The following DENND2B variants were observed in gnomAD, a reference collection of about 807,000 sequenced individuals.
The protein encoded by DENND2B is DENN domain-containing protein 2B.
DENND2B carries 32 observed loss-of-function variants against 116.0 expected under a neutral mutation model. That is an observed-to-expected ratio of 0.28 (90% CI 0.21 to 0.37). DENND2B has a LOEUF of 0.37. Ranked by LOEUF, DENND2B falls within the 10% of genes least tolerant of loss-of-function variation. DENND2B has a pLI of 1.00. For synonymous variants in DENND2B, 588 were observed against 583.9 expected (o/e 1.01, Z -0.10); for missense variants, 1,276 against 1,477.7 (o/e 0.86, Z 2.24).
intron 4 of DENND2B, among the ~76,000 whole-genome samples, chr11:8,816,223 C>T (rs140069446): frequency 8.1e-4 from 124 of 152,212 alleles, no homozygotes; most frequent in African/African-American, 2.8e-3. Context: ...AGTGGTATTC[C>T]CACTGAAAAC....
chr11:8,822,479 A>T (rs945192319), intron 4 of DENND2B, among the ~76,000 whole-genome samples: 3 of 152,184 alleles, frequency 2.0e-5, no homozygotes, highest in Non-Finnish European at 4.4e-5. Context: ...GTTTAGCAAC[A>T]TTTTTTTAAA....
At chr11:8,708,199 C>T (rs1423578502) in intron 11 of DENND2B, 2 of 1,250,912 alleles carry the variant, frequency 1.6e-6, no homozygotes, top group Non-Finnish European at 2.0e-6. Flanking sequence ...AGCCCTGAGG[C>T]TGGGACCCCA....
chr11:8,744,202 C>T (rs1441252708), intron 2 of DENND2B, among the ~76,000 whole-genome samples: 1 of 149,268 alleles, frequency 6.7e-6, no homozygotes, highest in African/African-American at 2.5e-5. Flanking sequence ...GGCGTGATCT[C>T]GGCTCACCAC....
chr11:8,768,495 T>C (rs1183448623), intron 1 of DENND2B, among the ~76,000 whole-genome samples: 1 of 152,236 alleles, frequency 6.6e-6, no homozygotes, highest in East Asian at 1.9e-4. Flanking sequence ...GTGATCCTCC[T>C]GCCTCCCAAA....
chr11:8,749,507 G>C (rs78575614), intron 2 of DENND2B, among the ~76,000 whole-genome samples: 5,516 of 152,254 alleles, frequency 0.036, 163 homozygotes, highest in African/African-American at 0.078. Context: ...GTTTCTATTG[G>C]GACAAAGTCC....
At chr11:8,805,565 T>C (rs2060765465) in intron 1 of DENND2B, among the ~76,000 whole-genome samples, 1 of 152,176 alleles carries the variant, frequency 6.6e-6, no homozygotes, top group Non-Finnish European at 1.5e-5. Flanking sequence ...ACCCTCCTAC[T>C]TCCAGTCCTT....
chr11:8,877,100 C>CT (rs71059191), intron 2 of DENND2B, among the ~76,000 whole-genome samples: 71,763 of 93,080 alleles, frequency 0.77, 29,494 homozygotes, highest in Non-Finnish European at 0.85. Flanking sequence ...CTTGAAGATA[C>CT]TTTTTTTTTT....
chr11:8,862,577 C>T (rs1366483920), intron 2 of DENND2B, among the ~76,000 whole-genome samples: 3 of 152,104 alleles, frequency 2.0e-5, no homozygotes, highest in Non-Finnish European at 1.5e-5. Flanking sequence ...TCAAGAGATC[C>T]ACCTGCCATG....
At chr11:8,817,577 T>C (rs2061611977) in intron 4 of DENND2B, among the ~76,000 whole-genome samples, 1 of 152,078 alleles carries the variant, frequency 6.6e-6, no homozygotes, top group East Asian at 1.9e-4. Context: ...TGGAATTCAG[T>C]CTATAATTCT....
At chr11:8,901,101 C>T (rs1415542041) in intron 1 of DENND2B, among the ~76,000 whole-genome samples, 1 of 151,804 alleles carries the variant, frequency 6.6e-6, no homozygotes, top group Non-Finnish European at 1.5e-5. Context: ...ATTGATTTTT[C>T]TCTATTTTTC....
At chr11:8,723,440 G>C (rs569605565) in intron 4 of DENND2B, among the ~76,000 whole-genome samples, 2 of 152,242 alleles carry the variant, frequency 1.3e-5, no homozygotes, top group African/African-American at 4.8e-5. Flanking sequence ...AACTGTTCTG[G>C]GCAACACAGC....
At position 8,750,728 on chromosome 11, in the gene DENND2B, G is replaced by A; in HGVS notation, c.-25-3C>T. The A allele has an allele frequency of 6.2e-7, 1 of 1,613,930 alleles. No homozygotes were observed. Among genetic ancestry groups the A allele is most frequent in the Non-Finnish European group, 8.5e-7 (1 of 1,179,860 alleles). On this transcript the variant is annotated splice_region_variant and splice_polypyrimidine_tract_variant and intron_variant, in intron 1 of 19. Transcript: ENST00000313726. ...CGGCTCTCTGCAAACCCAGAGCCCT[G>A]CAAAGACGACAATGCCGGTAAGCCA...
chr11:8,738,056 G>GT (rs1300541851), intron 2 of DENND2B, among the ~76,000 whole-genome samples: 3 of 152,094 alleles, frequency 2.0e-5, no homozygotes, highest in African/African-American at 7.2e-5. Flanking sequence ...CCTTGTGACT[G>GT]TAATTGGAAT....
Position 8,712,607 on chromosome 11 carries a change from T to C in DENND2B, c.2116A>G (p.Lys706Glu). 1 of 1,562,484 alleles carries C rather than the reference T, an allele frequency of 6.4e-7. No homozygotes were observed. The highest frequency in any genetic ancestry group is 1.4e-5 in the African/African-American group (1 of 73,906). Residue 706 changes from lysine (K) to glutamate (E), a missense_variant, in exon 9 of 20, where the codon AAG becomes GAG. This residue lies in a region of DENND2B where 420 missense variants were observed against 631.1 expected (regional missense o/e 0.67). Transcript: ENST00000313726. The surrounding 1 kb of genome is among the most constrained non-coding windows in gnomAD (Gnocchi z 4.4). Reference protein sequence around the residue: ...LFEYFVVVSLKKKPSRNTYLP... With the variant: ...LFEYFVVVSLEKKPSRNTYLP... The stretch of plus-strand genomic sequence containing the variant: ...TAGGTGTTTCGCGATGGCTTCTTCT[T>C]GAGGGACACCACCACAAAGTACTCA...
chr11:8,748,937 GA>G (rs918014228), intron 2 of DENND2B, among the ~76,000 whole-genome samples: 5 of 149,964 alleles, frequency 3.3e-5, no homozygotes, highest in Admixed American at 6.6e-5. Context: ...AAATTAGAAG[GA>G]AAAAAAAAGA....
At chr11:8,721,034 G>A (rs1037964713) in intron 4 of DENND2B, among the ~76,000 whole-genome samples, 2 of 151,970 alleles carry the variant, frequency 1.3e-5, no homozygotes, top group Non-Finnish European at 2.9e-5. Context: ...GGAGAGGGAC[G>A]AAGAGGTGGA....
intron 4 of DENND2B, among the ~76,000 whole-genome samples, chr11:8,720,932 G>C (rs1169384219): frequency 6.6e-6 from 1 of 152,142 alleles, no homozygotes; most frequent in Non-Finnish European, 1.5e-5. Flanking sequence ...TTCAGCAGGG[G>C]CATGAATGGG....
intron 2 of DENND2B, among the ~76,000 whole-genome samples, chr11:8,741,070 C>T (rs2050116367): frequency 2.0e-5 from 3 of 152,220 alleles, no homozygotes; most frequent in South Asian, 4.1e-4. Context: ...AAGCAAGCAT[C>T]TCAAACAGTT....
At chr11:8,718,814 C>T (rs1424268658) in intron 4 of DENND2B, 6 of 1,001,320 alleles carry the variant, frequency 6.0e-6, no homozygotes, top group South Asian at 4.3e-5. Flanking sequence ...TGTTGAGTGG[C>T]ACTCCTTTCC....
Sources: allele counts gnomAD v4.1 joint callset (sites outside exome capture counted in the v4.1 genomes callset), GRCh38; gene constraint gnomAD v4.1.1; regional missense constraint gnomAD v4.1.1; non-coding constraint Gnocchi (gnomAD v3.1); transcripts MANE v1.5; gene names NCBI Gene and HGNC (gene_info 2026-07-23, HGNC 2026-07-21).